CEP120: variants seen among roughly 807,000 people sequenced by gnomAD.
CEP120 encodes the protein centrosomal protein of 120 kDa.
A neutral mutation model predicts 126.5 loss-of-function variants in CEP120; 113 were observed. The observed-to-expected ratio is 0.89, with a 90% CI of 0.77 to 1.04. CEP120 has a LOEUF of 1.04. Ranked by LOEUF, CEP120 falls within the 50% of genes least tolerant of loss-of-function variation. CEP120 has a pLI of 0.00. For synonymous variants in CEP120, 400 were observed against 394.3 expected (o/e 1.01, Z -0.17); for missense variants, 1,230 against 1,155.7 (o/e 1.06, Z -0.93).
At chr5:123,374,257 A>C (rs1021504404) in intron 16 of CEP120, among the ~76,000 whole-genome samples, 1 of 152,092 alleles carries the variant, frequency 6.6e-6, no homozygotes, top group African/African-American at 2.4e-5. Context: ...AAGTCAAAGA[A>C]GCTAAATAAT....
intron 18 of CEP120, chr5:123,358,529 A>G (rs1324519138): frequency 6.6e-6 from 1 of 152,116 alleles, no homozygotes; most frequent in African/African-American, 2.4e-5. Context: ...AATTTTTACA[A>G]TGAGTAAATA....
intron 6 of CEP120, 148 bp from the exon 7 acceptor site, chr5:123,391,485 G>A: frequency 3.3e-6 from 2 of 605,078 alleles, no homozygotes; most frequent in South Asian, 2.2e-5. Flanking sequence ...ACGAAGTAAT[G>A]AATTCTCACA....
intron 4 of CEP120, among the ~76,000 whole-genome samples, chr5:123,407,672 G>A (rs1379994378): frequency 6.6e-6 from 1 of 152,118 alleles, no homozygotes; most frequent in Non-Finnish European, 1.5e-5. Flanking sequence ...GATCCAGCAG[G>A]CAGAAAATCA....
Position 123,362,435 on chromosome 5 carries a change from C to A in CEP120, c.2580+2061G>T, listed in dbSNP as rs143932555. Among the ~76,000 whole-genome samples the A allele has an allele frequency of 1.9e-3, 296 of 151,918 alleles. 1 individual carries two copies. Among genetic ancestry groups the A allele is most frequent in the African/African-American group, 6.6e-3 (276 of 41,538 alleles). Reference sequence around the variant, plus strand: ...TCAATGCTGGGTCTATCACTTAGTACCTATGTGATCACATGCAACTTAACT... The same window carrying A: ...TCAATGCTGGGTCTATCACTTAGTAACTATGTGATCACATGCAACTTAACT... On this transcript the variant is annotated intron_variant, in intron 18 of 19. Transcript: ENST00000306467.
At chr5:123,422,642 G>A in intron 1 of CEP120, 1 of 1,106,532 alleles carries the variant, frequency 9.0e-7, no homozygotes, top group Non-Finnish European at 1.3e-6. Context: ...GCGCTTCTCA[G>A]GACCACGTTC....
At chr5:123,368,321 A>C (rs1770616522) in intron 17 of CEP120, among the ~76,000 whole-genome samples, 1 of 151,980 alleles carries the variant, frequency 6.6e-6, no homozygotes, top group Admixed American at 6.6e-5. Context: ...CACCCACATA[A>C]TAGAACTTGG....
intron 4 of CEP120, chr5:123,403,634 AC>A: frequency 2.7e-6 from 1 of 364,220 alleles, no homozygotes; most frequent in African/African-American, 2.2e-5. Flanking sequence ...AACATACAAC[AC>A]TTTAATCAAG....
At chr5:123,384,879 G>A in intron 11 of CEP120, 72 bp downstream of exon 11, 1 of 1,303,606 alleles carries the variant, frequency 7.7e-7, no homozygotes, top group East Asian at 2.4e-5. Flanking sequence ...AGGGTGAAGT[G>A]GTGGCTGACT....
rs552203939 is a variant in CEP120 at position 123,409,992 on chromosome 5, CCACACACA to C, written c.463+2399_463+2406del. On this transcript the variant is annotated intron_variant, in intron 4 of 19. Coordinates refer to ENST00000306467, the MANE Select transcript of CEP120 (RefSeq NM_001375405.1). ...CAAGCAAAAAAAAAAAAAAAAAAAACCACACACACACACACACACACACAAGTGATTAT... is the reference window on the plus strand; with the variant it reads ...CAAGCAAAAAAAAAAAAAAAAAAAACCACACACACACACACAAGTGATTAT... Among the ~76,000 whole-genome samples, 7 of 83,872 alleles carry C rather than the reference CCACACACA, an allele frequency of 8.3e-5. No individual in the cohort carries two copies. In the East Asian group the frequency reaches 1.2e-3, roughly 15 times the overall value. 55.0% of individuals were successfully genotyped at this position (83,872 alleles called of 152,430 possible). A position where few individuals can be genotyped will look rare whatever the true frequency, so the allele number is the denominator to read the frequency against.
At chr5:123,407,623 C>T (rs996618692) in intron 4 of CEP120, among the ~76,000 whole-genome samples, 13 of 152,102 alleles carry the variant, frequency 8.5e-5, no homozygotes, top group African/African-American at 2.9e-4. Flanking sequence ...TAGTTGAATC[C>T]AACTTGGAGA....
intron 4 of CEP120, among the ~76,000 whole-genome samples, chr5:123,399,878 G>T (rs1029401396): frequency 6.6e-6 from 1 of 152,158 alleles, no homozygotes; most frequent in Non-Finnish European, 1.5e-5. Flanking sequence ...GTTTTGAGAA[G>T]AAAACTGACA....
rs1233359282 is a variant in CEP120, at chr5:123,346,684, G to A, written c.2796C>T (p.Pro932=). ...AACCTTCTTCCAATACACTGCCATG[G>A]GGGCCATCCTTTTTTCCACTTGCAA... ...TEIASGKKDG[P]HGSVLEEGLD... The change falls in exon 20 of 20, where the codon CCC becomes CCT. Residue 932 remains proline, a synonymous_variant. Coordinates refer to ENST00000306467, the MANE Select transcript of CEP120 (RefSeq NM_001375405.1). 1.2e-6 allele frequency: 2 copies of A among 1,613,508 alleles called. No homozygotes were observed.
chr5:123,415,948 T>C, intron 3 of CEP120, 62 bp downstream of exon 3: 1 of 1,076,294 alleles, frequency 9.3e-7, no homozygotes, highest in Non-Finnish European at 1.4e-6. Context: ...ATCAATCTGT[T>C]ATCTACTGAA....
At chr5:123,394,667 T>G (rs1438951508) in intron 5 of CEP120, among the ~76,000 whole-genome samples, 7 of 152,220 alleles carry the variant, frequency 4.6e-5, no homozygotes, top group African/African-American at 1.7e-4. Context: ...TACTAACCAC[T>G]TAGATTACAA....
Position 123,418,375 on chromosome 5 carries a change from C to T in CEP120, c.190G>A (p.Ala64Thr). ...TELAWEIDRKALHQHRLQRTP... is the reference protein window; with the variant it reads ...TELAWEIDRKTLHQHRLQRTP... ...GATAATCACCTGTGCTGATGAAGCGCTTTCCTGTCAATTTCCCAAGCTAAC... is the reference window on the plus strand; with the variant it reads ...GATAATCACCTGTGCTGATGAAGCGTTTTCCTGTCAATTTCCCAAGCTAAC... The change falls in exon 2 of 20, where the codon GCG becomes ACG. Residue 64 changes from alanine (A) to threonine (T), a missense_variant. Physicochemically the swap from Ala to Thr is moderately conservative, Grantham distance 58. Transcript: ENST00000306467. The T allele has an allele frequency of 1.9e-6, 3 of 1,603,370 alleles. No homozygotes were observed.
At chr5:123,415,644 C>A (rs1388499456) in intron 3 of CEP120, among the ~76,000 whole-genome samples, 1 of 152,074 alleles carries the variant, frequency 6.6e-6, no homozygotes, top group Non-Finnish European at 1.5e-5. Flanking sequence ...GAAGCCAAGG[C>A]AGGCAGATCA....
intron 4 of CEP120, chr5:123,401,618 G>A (rs1773247018): frequency 4.9e-6 from 7 of 1,422,752 alleles, no homozygotes; most frequent in South Asian, 2.3e-5. Flanking sequence ...CACCACAGAT[G>A]TGTCTGAGAT....
At chr5:123,422,475 G>GA (rs1209230151) in intron 1 of CEP120, 1 of 1,529,886 alleles carries the variant, frequency 6.5e-7, no homozygotes, top group South Asian at 1.2e-5. Context: ...ACCTTTTAAG[G>GA]AATGTATAAT....
chr5:123,387,184 A>C (rs2127061931), intron 9 of CEP120, among the ~76,000 whole-genome samples: 1 of 152,300 alleles, frequency 6.6e-6, no homozygotes, highest in South Asian at 2.1e-4. Flanking sequence ...ATTTGTATTT[A>C]AAGCCAAATA....
Sources: gnomAD v4.1 joint callset for allele counts (sites outside exome capture counted in the v4.1 genomes callset) on GRCh38, gnomAD v4.1.1 for gene constraint, MANE v1.5 for transcripts, NCBI Gene and HGNC (gene_info 2026-07-23, HGNC 2026-07-21) for gene names.